PPM1H: variants seen among roughly 807,000 people sequenced by gnomAD.
PPM1H encodes the protein protein phosphatase 1H.
Under a neutral mutation model 54.9 loss-of-function variants are expected in PPM1H, and 27 were observed. That is an observed-to-expected ratio of 0.49 (90% CI 0.36 to 0.68). PPM1H has a LOEUF of 0.68. PPM1H is among the 30% of genes least tolerant of loss of function. PPM1H has a pLI of 0.00. For synonymous variants in PPM1H, 305 were observed against 270.8 expected (o/e 1.13, Z -1.24); for missense variants, 596 against 667.8 (o/e 0.89, Z 1.19).
At chr12:62,798,423 T>C (rs1440908240) in intron 3 of PPM1H, among the ~76,000 whole-genome samples, 1 of 152,214 alleles carries the variant, frequency 6.6e-6, no homozygotes, top group Non-Finnish European at 1.5e-5. Flanking sequence ...ACGACTCAGC[T>C]TTCAGCTTAA....
chr12:62,870,949 TA>T (rs1398459437), intron 1 of PPM1H, among the ~76,000 whole-genome samples: 8 of 152,304 alleles, frequency 5.3e-5, no homozygotes, highest in Admixed American at 5.2e-4. Flanking sequence ...TTAGAACCCT[TA>T]TCACTGGTGG....
intron 4 of PPM1H, among the ~76,000 whole-genome samples, chr12:62,775,632 T>C (rs1056561625): frequency 2.1e-5 from 3 of 143,644 alleles, no homozygotes; most frequent in Middle Eastern, 3.7e-3. Flanking sequence ...CACACACACA[T>C]ACACACACAC....
chr12:62,850,230 G>A (rs1314808751), intron 1 of PPM1H, among the ~76,000 whole-genome samples: 2 of 152,152 alleles, frequency 1.3e-5, no homozygotes, highest in African/African-American at 2.4e-5. Flanking sequence ...GCCTCCCAAA[G>A]TGCTGGGACT....
chr12:62,712,705 T>C (rs1023264320), intron 6 of PPM1H, among the ~76,000 whole-genome samples: 1 of 152,228 alleles, frequency 6.6e-6, no homozygotes, highest in Admixed American at 6.5e-5. Context: ...TAAGGTAGGC[T>C]AATAACGCTG....
At chr12:62,849,297 T>A (rs1002784936) in intron 1 of PPM1H, among the ~76,000 whole-genome samples, 1 of 152,284 alleles carries the variant, frequency 6.6e-6, no homozygotes, top group South Asian at 2.1e-4. Flanking sequence ...AGGACTGAAA[T>A]AACACTTGTA....
chr12:62,681,629 A>G (rs903278040), intron 8 of PPM1H, among the ~76,000 whole-genome samples: 1 of 152,202 alleles, frequency 6.6e-6, no homozygotes, highest in African/African-American at 2.4e-5. Flanking sequence ...AAAAAAAGAA[A>G]TTGTCCTATC....
intron 1 of PPM1H, among the ~76,000 whole-genome samples, chr12:62,833,744 C>G (rs1396778248): frequency 6.6e-6 from 1 of 152,090 alleles, no homozygotes; most frequent in East Asian, 1.9e-4. Flanking sequence ...TTAACATTTT[C>G]TTTATTTTAA....
At position 62,647,872 on chromosome 12, in the gene PPM1H, G is replaced by C. The variant is rs1444910461; in HGVS notation, c.*617C>G. ...AGTCCCAGGCCTGTTCTGTGGAAGG[G>C]GAATAAAAAACAGATTCAAGGAATG... On this transcript the variant is annotated 3_prime_UTR_variant, in exon 10 of 10. Coordinates refer to ENST00000228705, the MANE Select transcript of PPM1H (RefSeq NM_020700.2). 1 of 129,044 alleles carries C rather than the reference G, an allele frequency of 7.7e-6. No homozygotes were observed. The highest frequency in any genetic ancestry group is 1.6e-5 in the Non-Finnish European group (1 of 62,562). 8.0% of individuals were successfully genotyped at this position (129,044 alleles called of 1,614,324 possible).
intron 2 of PPM1H, among the ~76,000 whole-genome samples, chr12:62,825,261 A>C (rs1327092959): frequency 6.6e-6 from 1 of 152,202 alleles, no homozygotes; most frequent in African/African-American, 2.4e-5. Flanking sequence ...GTTGTGGAGA[A>C]ATAGGAATGC....
chr12:62,657,743 A>C (rs1454549015), intron 9 of PPM1H, among the ~76,000 whole-genome samples: 1 of 152,226 alleles, frequency 6.6e-6, no homozygotes, highest in East Asian at 1.9e-4. Flanking sequence ...TTTTGCAAAA[A>C]TAAATTTCAT....
intron 8 of PPM1H, among the ~76,000 whole-genome samples, chr12:62,680,327 CTTTCTTTCTG>C (rs1565754495): frequency 6.9e-6 from 1 of 145,426 alleles, no homozygotes; most frequent in East Asian, 2.2e-4. Flanking sequence ...CTCTCTCTCT[CTTTCTTTCTG>C]TTTCTTTCTT....
intron 1 of PPM1H, among the ~76,000 whole-genome samples, chr12:62,847,620 C>A (rs1869024064): frequency 6.6e-6 from 1 of 152,146 alleles, no homozygotes; most frequent in Non-Finnish European, 1.5e-5. Context: ...CAAGAAGTAG[C>A]AAATTTTTGC....
At chr12:62,865,902 T>A (rs1024813638) in intron 1 of PPM1H, among the ~76,000 whole-genome samples, 1 of 152,220 alleles carries the variant, frequency 6.6e-6, no homozygotes, top group Admixed American at 6.5e-5. Flanking sequence ...AAATTGTTCT[T>A]GACCAGTAGT....
chr12:62,649,721 G>A (rs2075805683), intron 9 of PPM1H, among the ~76,000 whole-genome samples: 1 of 152,238 alleles, frequency 6.6e-6, no homozygotes, highest in Non-Finnish European at 1.5e-5. Context: ...CTGCAGGAAA[G>A]AATGAGCTAG....
At chr12:62,661,366 A>ATTTG in intron 9 of PPM1H, among the ~76,000 whole-genome samples, 1 of 152,248 alleles carries the variant, frequency 6.6e-6, no homozygotes, top group African/African-American at 2.4e-5. Context: ...AATGGGAGTT[A>ATTTG]TTTGTTAAGA....
intron 4 of PPM1H, among the ~76,000 whole-genome samples, chr12:62,770,022 A>C (rs1299172310): frequency 6.6e-6 from 1 of 151,834 alleles, no homozygotes; most frequent in Non-Finnish European, 1.5e-5. Context: ...TTTTATCTGC[A>C]GCTATTTGCT....
At chr12:62,761,331 T>C (rs564523528) in intron 4 of PPM1H, among the ~76,000 whole-genome samples, 1 of 152,186 alleles carries the variant, frequency 6.6e-6, no homozygotes, top group Non-Finnish European at 1.5e-5. Context: ...TTCAAACCTG[T>C]ATGCAGAGTG....
intron 1 of PPM1H, among the ~76,000 whole-genome samples, chr12:62,863,891 G>A (rs920259716): frequency 3.9e-5 from 6 of 151,978 alleles, no homozygotes; most frequent in South Asian, 4.1e-4. Context: ...TTCCATTATC[G>A]AGGCTCTTGA....
intron 3 of PPM1H, 47 bp downstream of exon 3, chr12:62,801,769 C>G: frequency 6.3e-7 from 1 of 1,596,516 alleles, no homozygotes; most frequent in African/African-American, 1.3e-5. Context: ...AGACCTGGCG[C>G]AGGCGCCAGC....
Sources: gnomAD v4.1 joint callset for allele counts (sites outside exome capture counted in the v4.1 genomes callset) on GRCh38, gnomAD v4.1.1 for gene constraint, MANE v1.5 for transcripts, NCBI Gene and HGNC (gene_info 2026-07-23, HGNC 2026-07-21) for gene names.